LMNTD1: variants seen among roughly 807,000 people sequenced by gnomAD.
The protein encoded by LMNTD1 is lamin tail domain containing 1.
Under a neutral mutation model 50.9 loss-of-function variants are expected in LMNTD1, and 35 were observed. That is an observed-to-expected ratio of 0.69 (90% CI 0.53 to 0.91). LMNTD1 has a LOEUF of 0.91. LMNTD1 is among the 40% of genes least tolerant of loss of function. LMNTD1 has a pLI of 0.00. For synonymous variants in LMNTD1, 153 were observed against 161.9 expected (o/e 0.94, Z 0.42); for missense variants, 470 against 475.5 (o/e 0.99, Z 0.11).
chr12:25,483,971 T>C (rs1390119498), intron 9 of LMNTD1, among the ~76,000 whole-genome samples: 1 of 151,976 alleles, frequency 6.6e-6, no homozygotes, highest in Non-Finnish European at 1.5e-5. Context: ...GTTATGTCTA[T>C]TTCTACAAAG....
chr12:25,570,708 G>A (rs769287816), intron 1 of LMNTD1, among the ~76,000 whole-genome samples: 4 of 152,194 alleles, frequency 2.6e-5, no homozygotes, highest in Non-Finnish European at 4.4e-5. Context: ...TATGCATTAT[G>A]TAACCATGTG....
intron 8 of LMNTD1, among the ~76,000 whole-genome samples, chr12:25,515,262 T>C (rs908790672): frequency 3.3e-5 from 5 of 151,908 alleles, no homozygotes; most frequent in African/African-American, 4.8e-5. Flanking sequence ...AGAAAAACAT[T>C]AATAGGGGAA....
At chr12:25,580,541 A>G (rs1051928040) in intron 1 of LMNTD1, among the ~76,000 whole-genome samples, 3 of 152,158 alleles carry the variant, frequency 2.0e-5, no homozygotes, top group Admixed American at 2.0e-4. Flanking sequence ...ATATCCTCAT[A>G]TAGTTGTACC....
intron 1 of LMNTD1, among the ~76,000 whole-genome samples, chr12:25,611,002 T>G (rs536109217): frequency 2.0e-5 from 3 of 152,258 alleles, no homozygotes; most frequent in Admixed American, 6.5e-5. Context: ...AGAGACCCCT[T>G]GAGTAACACC....
chr12:25,527,535 G>A (rs1229869580), intron 4 of LMNTD1, among the ~76,000 whole-genome samples: 1 of 149,158 alleles, frequency 6.7e-6, no homozygotes, highest in Non-Finnish European at 1.5e-5. Context: ...ACTTATTAGT[G>A]GGTCAAAAAT....
At position 25,553,211 on chromosome 12, in the gene LMNTD1, G is replaced by A; in HGVS notation, c.-173C>T. On this transcript the variant is annotated 5_prime_UTR_variant, in exon 1 of 10. Transcript: ENST00000458174. ...TGGCTAAGGATGTCGGACAAACCAT[G>A]GTGCAGGTGTGTAGCATTCACTGGA... 1.3e-6 allele frequency: 2 copies of A among 1,551,652 alleles called. No individual in the cohort carries two copies. Among genetic ancestry groups the A allele is most frequent in the Non-Finnish European group, 1.7e-6 (2 of 1,152,598 alleles).
intron 1 of LMNTD1, among the ~76,000 whole-genome samples, chr12:25,603,655 A>T (rs559594159): frequency 6.6e-6 from 1 of 152,206 alleles, no homozygotes; most frequent in East Asian, 1.9e-4. Flanking sequence ...GATTAACAAT[A>T]CAGAGACGAT....
intron 1 of LMNTD1, among the ~76,000 whole-genome samples, chr12:25,597,814 G>A (rs915811250): frequency 6.6e-6 from 1 of 152,032 alleles, no homozygotes; most frequent in East Asian, 1.9e-4. Context: ...TGATCACAAT[G>A]GAATAAAACT....
intron 1 of LMNTD1, among the ~76,000 whole-genome samples, chr12:25,560,886 T>A (rs991824041): frequency 4.6e-5 from 7 of 152,232 alleles, no homozygotes; most frequent in African/African-American, 1.7e-4. Context: ...TGATTTTGTA[T>A]CCTGAGACTT....
chr12:25,512,445 T>C (rs1940375422), intron 8 of LMNTD1, among the ~76,000 whole-genome samples: 1 of 152,178 alleles, frequency 6.6e-6, no homozygotes, highest in Non-Finnish European at 1.5e-5. Context: ...TTAATGCAAA[T>C]ACGACAATGT....
At chr12:25,477,388 G>T (rs751251683) in intron 9 of LMNTD1, among the ~76,000 whole-genome samples, 3 of 152,100 alleles carry the variant, frequency 2.0e-5, no homozygotes, top group Non-Finnish European at 4.4e-5. Context: ...TTCTAGTGGG[G>T]ATTGGTGGGG....
intron 1 of LMNTD1, among the ~76,000 whole-genome samples, chr12:25,619,264 A>C (rs867133440): frequency 0.015 from 1,307 of 88,412 alleles, 15 homozygotes; most frequent in Admixed American, 0.04. Flanking sequence ...ATATATATAT[A>C]TATATATATA....
intron 1 of LMNTD1, among the ~76,000 whole-genome samples, chr12:25,598,132 C>T (rs916183987): frequency 6.6e-6 from 1 of 152,110 alleles, no homozygotes; most frequent in Admixed American, 6.6e-5. Context: ...CCTCCCCAGC[C>T]ATATGGAAAT....
intron 7 of LMNTD1, 32 bp downstream of exon 7, chr12:25,519,826 C>A (rs1406340313): frequency 8.5e-6 from 12 of 1,414,700 alleles, no homozygotes; most frequent in South Asian, 8.2e-5. Flanking sequence ...TGGGAAGGAC[C>A]CATTAAAACA....
At chr12:25,521,754 A>T (rs1379364679) in intron 6 of LMNTD1, among the ~76,000 whole-genome samples, 1 of 152,178 alleles carries the variant, frequency 6.6e-6, no homozygotes, top group Admixed American at 6.5e-5. Context: ...AGTGTATCTT[A>T]TCTGAGATGG....
chr12:25,498,665 T>A (rs1939206688), intron 9 of LMNTD1, among the ~76,000 whole-genome samples: 1 of 152,198 alleles, frequency 6.6e-6, no homozygotes, highest in Non-Finnish European at 1.5e-5. Flanking sequence ...TTGACCAATG[T>A]TTTTTTCTCA....
chr12:25,518,174 G>A (rs559047755), intron 8 of LMNTD1, among the ~76,000 whole-genome samples: 3 of 152,176 alleles, frequency 2.0e-5, no homozygotes, highest in Non-Finnish European at 4.4e-5. Context: ...TTCCTTCTTG[G>A]CTTTATGTTC....
chr12:25,618,518 C>A (rs75908651), intron 1 of LMNTD1, among the ~76,000 whole-genome samples: 3,394 of 152,162 alleles, frequency 0.022, 120 homozygotes, highest in African/African-American at 0.077. Context: ...TAGGTTGGAG[C>A]AACATGTTAA....
chr12:25,531,794 T>C (rs1942242994), intron 4 of LMNTD1, among the ~76,000 whole-genome samples: 2 of 152,186 alleles, frequency 1.3e-5, no homozygotes, highest in African/African-American at 4.8e-5. Context: ...AAATCTTGCC[T>C]TATTCGTCTC....
Sources: allele counts gnomAD v4.1 joint callset (sites outside exome capture counted in the v4.1 genomes callset), GRCh38; gene constraint gnomAD v4.1.1; transcripts MANE v1.5; gene names NCBI Gene and HGNC (gene_info 2026-07-23, HGNC 2026-07-21).